The following PUDP variants were observed in gnomAD, a reference collection of about 807,000 sequenced individuals.
The protein encoded by PUDP is pseudouridine 5'-phosphatase.
Under a neutral mutation model 9.4 loss-of-function variants are expected in PUDP, and 8 were observed. The ratio of observed to expected loss-of-function variants is 0.85; its 90% CI spans 0.50 to 1.53. PUDP has a LOEUF of 1.53. Among genes scored for constraint, PUDP ranks in the 40% most tolerant of loss-of-function variants. The pLI, the probability that PUDP is intolerant of heterozygous loss-of-function variation, is 0.00. For missense variants in PUDP, 188 were observed against 189.7 expected, an observed-to-expected ratio of 0.99 and a Z score of 0.05; for synonymous variants, 99 against 80.7, an observed-to-expected ratio of 1.23 and a Z score of -1.22.
intron 3 of PUDP, among the ~76,000 whole-genome samples, chrX:7,066,872 CAT>C (rs976626515): frequency 8.9e-6 from 1 of 112,179 alleles, no homozygotes; most frequent in Non-Finnish European, 1.9e-5. Flanking sequence ...ATCACACACA[CAT>C]AAACACACAC....
At chrX:6,755,088 A>G (rs758130655) in intron 3 of PUDP, among the ~76,000 whole-genome samples, 20 of 111,712 alleles carry the variant, frequency 1.8e-4, no homozygotes, top group Non-Finnish European at 3.0e-4. Context: ...TGGAGATAAT[A>G]TGGTATTAGA....
At chrX:6,878,833 G>C (rs1227512627) in intron 3 of PUDP, among the ~76,000 whole-genome samples, 5 of 111,870 alleles carry the variant, frequency 4.5e-5, no homozygotes, top group Non-Finnish European at 9.4e-5. Flanking sequence ...TCTACTTTCA[G>C]TGCAGTGTGC....
At chrX:6,738,543 T>C (rs916960516) in intron 3 of PUDP, among the ~76,000 whole-genome samples, 1 of 111,973 alleles carries the variant, frequency 8.9e-6, no homozygotes, top group East Asian at 2.8e-4. Flanking sequence ...CTAAATGTTT[T>C]GAGCAACTGT....
chrX:7,148,001 C>T, intron 1 of PUDP, 52 bp downstream of exon 1: 2 of 994,041 alleles, frequency 2.0e-6, no homozygotes, highest in Non-Finnish European at 2.7e-6. Context: ...CGACCGTCCC[C>T]ACGCCCACAC....
chrX:6,909,391 G>A (rs973249169), intron 3 of PUDP, among the ~76,000 whole-genome samples: 1 of 111,976 alleles, frequency 8.9e-6, no homozygotes, highest in Non-Finnish European at 1.9e-5. Context: ...AACAGCCATC[G>A]CCCAAGATCA....
chrX:7,110,137 C>A (rs1284828762), intron 1 of PUDP, among the ~76,000 whole-genome samples: 1 of 111,562 alleles, frequency 9.0e-6, no homozygotes, highest in African/African-American at 3.3e-5. Flanking sequence ...GTGTTTTCAT[C>A]CTCAGAGGCA....
chrX:6,814,592 C>T (rs1157549811), intron 3 of PUDP, among the ~76,000 whole-genome samples: 1 of 111,367 alleles, frequency 9.0e-6, no homozygotes, highest in African/African-American at 3.3e-5. Context: ...AGTTTGATGG[C>T]CTGTGGGAAA....
chrX:6,918,660 G>A (rs1927972281), intron 3 of PUDP, among the ~76,000 whole-genome samples: 1 of 111,696 alleles, frequency 9.0e-6, no homozygotes, highest in African/African-American at 3.3e-5. Flanking sequence ...AGTGTCTAGT[G>A]AGGTCTGTTT....
intron 3 of PUDP, among the ~76,000 whole-genome samples, chrX:6,909,654 T>C (rs6639703): frequency 0.21 from 22,646 of 110,135 alleles, 1,924 homozygotes; most frequent in Admixed American, 0.35. Flanking sequence ...CCGAAGTATG[T>C]CTCTCTACAG....
At position 7,042,108 on chromosome X, in the gene PUDP, C is replaced by T. The variant is rs1028128110; in HGVS notation, c.204+35112G>A. ...GGCCACCATGCATTCCCTTCTCCCT[C>T]TTTTCATTTATTATCTTTTCATCTA... On this transcript the variant is annotated intron_variant and NMD_transcript_variant, in intron 1 of 3. Coordinates refer to the PUDP transcript ENST00000655425. 2.8e-5 allele frequency among the ~76,000 whole-genome samples: 3 copies of T among 108,910 alleles called. No homozygotes were observed. In the Admixed American group the frequency reaches 3.0e-4, roughly 11 times the overall value. 94.6% of individuals were successfully genotyped at this position (108,910 alleles called of 115,157 possible).
chrX:6,762,948 T>C (rs747303595), intron 3 of PUDP, among the ~76,000 whole-genome samples: 2 of 112,429 alleles, frequency 1.8e-5, no homozygotes, highest in Non-Finnish European at 3.7e-5. Flanking sequence ...TGTGAGCATA[T>C]TACCAGGTGA....
chrX:7,039,733 A>C lies in PUDP; in HGVS notation c.204+37487T>G, dbSNP rs547717914. ...TGGGACTTTGTTATGGCTGCCCAAG[A>C]AGCCTAATGGGAGTGCAAAGACTTT... On this transcript the variant is annotated intron_variant and NMD_transcript_variant, in intron 1 of 3. Transcript: ENST00000655425. Among the ~76,000 whole-genome samples, 430 of 112,666 alleles carry C rather than the reference A, an allele frequency of 3.8e-3. 2 individuals carry two copies. The highest frequency in any genetic ancestry group is 0.013 in the African/African-American group (405 of 31,013).
intron 1 of PUDP, among the ~76,000 whole-genome samples, chrX:7,028,637 G>C (rs1929750728): frequency 8.9e-6 from 1 of 111,736 alleles, no homozygotes; most frequent in Non-Finnish European, 1.9e-5. Flanking sequence ...CAGTTCTAGA[G>C]TTATGGGAAC....
intron 3 of PUDP, among the ~76,000 whole-genome samples, chrX:6,857,785 A>G (rs762807600): frequency 1.8e-5 from 2 of 111,588 alleles, no homozygotes; most frequent in Non-Finnish European, 3.8e-5. Flanking sequence ...TTGGTCTTCT[A>G]TGCCCTCCTA....
At position 7,003,680 on chromosome X, in the gene PUDP, C is replaced by A. The variant is rs904415387; in HGVS notation, c.205-25337G>T. On this transcript the variant is annotated intron_variant and NMD_transcript_variant, in intron 1 of 3. Coordinates refer to the PUDP transcript ENST00000655425. ...CTCTTCATGCCATTCTTTTGTACAT[C>A]TCTGCCCCAGGCAATGAGCACATAC... Among the ~76,000 whole-genome samples the A allele has an allele frequency of 2.7e-5, 3 of 111,732 alleles. No homozygotes were observed. The Admixed American group carries it at 2.8e-4, about 11-fold the overall frequency.
At chrX:7,014,657 G>A (rs1209643875) in intron 1 of PUDP, among the ~76,000 whole-genome samples, 1 of 111,861 alleles carries the variant, frequency 8.9e-6, no homozygotes, top group Non-Finnish European at 1.9e-5. Flanking sequence ...AACTGTATTA[G>A]ATGCTAGAAA....
At position 7,002,628 on chromosome X, in the gene PUDP, T is replaced by C. The variant is rs373325481; in HGVS notation, c.205-24285A>G. On this transcript the variant is annotated intron_variant and NMD_transcript_variant, in intron 1 of 3. Transcript: ENST00000655425. ...AGTTGGAAGACATGGAGAAGGGGTG[T>C]CTGACCTATTTCTGGGAAAGTTAAA... Among the ~76,000 whole-genome samples, 13 of 111,007 alleles carry C rather than the reference T, an allele frequency of 1.2e-4. No individual in the cohort carries two copies. The East Asian group carries it at 3.7e-3, about 32-fold the overall frequency.
At chrX:7,016,247 T>A (rs1219271568) in intron 1 of PUDP, among the ~76,000 whole-genome samples, 1 of 111,055 alleles carries the variant, frequency 9.0e-6, no homozygotes, top group Non-Finnish European at 1.9e-5. Flanking sequence ...GCGGGAGGAC[T>A]GCTTGAAGCC....
At chrX:6,831,087 C>T (rs761158058) in intron 3 of PUDP, among the ~76,000 whole-genome samples, 37 of 111,117 alleles carry the variant, frequency 3.3e-4, no homozygotes, top group Non-Finnish European at 4.2e-4. Flanking sequence ...CATAGTGAAT[C>T]GAAGCTGTCT....
Sources: allele counts gnomAD v4.1 joint callset (sites outside exome capture counted in the v4.1 genomes callset), GRCh38; gene constraint gnomAD v4.1.1; transcripts MANE v1.5; gene names NCBI Gene and HGNC (gene_info 2026-07-23, HGNC 2026-07-21).